CLEC16A: variants seen among roughly 807,000 people sequenced by gnomAD.
The protein encoded by CLEC16A is C-type lectin domain containing 16A, also known as protein CLEC16A.
CLEC16A carries 51 observed loss-of-function variants against 109.5 expected under a neutral mutation model. That is an observed-to-expected ratio of 0.47 (90% CI 0.37 to 0.59). The LOEUF is 0.59. Among genes scored for constraint, CLEC16A ranks in the 20% least tolerant of loss-of-function variants. The probability of loss-of-function intolerance (pLI) is 0.00; values close to 1 mark genes in which losing one functional copy is unlikely to be tolerated. For missense variants in CLEC16A, 1,339 were observed against 1,394.0 expected, an observed-to-expected ratio of 0.96 and a Z score of 0.63; for synonymous variants, 673 against 564.2, an observed-to-expected ratio of 1.19 and a Z score of -2.73.
In CLEC16A at chr16:10,972,469, C is replaced by T; in HGVS notation, c.599-85C>T. 3.9e-6 allele frequency: 5 copies of T among 1,283,966 alleles called. No individual in the cohort carries two copies. In the South Asian group the frequency reaches 4.9e-5, roughly 13 times the overall value. The allele number at this position is 1,283,966 out of a possible 1,614,324, so 79.5% of individuals were successfully genotyped here. A position where few individuals can be genotyped will look rare whatever the true frequency, so the allele number is the denominator to read the frequency against. ...AGTCTCTCTCCCTCTGAGCAGCTCT[C>T]TCACCTTCCCAGGTCCTAACCCTGT... On this transcript the variant is annotated intron_variant, in intron 5 of 23. Coordinates refer to ENST00000409790, the MANE Select transcript of CLEC16A (RefSeq NM_015226.3).
At chr16:11,033,836 T>G (rs887948656) in intron 13 of CLEC16A, among the ~76,000 whole-genome samples, 1 of 152,238 alleles carries the variant, frequency 6.6e-6, no homozygotes. Flanking sequence ...CTTGTTGTGA[T>G]TCAGTTGGGC....
At chr16:10,958,805 G>A (rs968688281) in intron 2 of CLEC16A, among the ~76,000 whole-genome samples, 3 of 152,180 alleles carry the variant, frequency 2.0e-5, no homozygotes, top group African/African-American at 7.2e-5. Context: ...TCAGAAGGTT[G>A]AGGTGGGAGG....
chr16:11,125,712 C>T (rs1246836715), intron 21 of CLEC16A, among the ~76,000 whole-genome samples: 2 of 152,206 alleles, frequency 1.3e-5, no homozygotes, highest in African/African-American at 2.4e-5. Flanking sequence ...CCATTCCACT[C>T]GAGGAGCCCA....
rs112315976 is a variant in CLEC16A at position 10,948,930 on chromosome 16, A to T, written c.80+4133A>T. Among the ~76,000 whole-genome samples the T allele has an allele frequency of 1.6e-3, 244 of 152,286 alleles. 3 individuals carry two copies. The highest frequency in any genetic ancestry group is 5.6e-3 in the African/African-American group (231 of 41,540). On this transcript the variant is annotated intron_variant, in intron 1 of 23. Coordinates refer to ENST00000409790, the MANE Select transcript of CLEC16A (RefSeq NM_015226.3). Reference sequence around the variant, plus strand: ...TTGCCAGCAGAAGTCCAGAATTGAGATTGAGTATCCCTGGACCAGCAAGGT... The same window carrying T: ...TTGCCAGCAGAAGTCCAGAATTGAGTTTGAGTATCCCTGGACCAGCAAGGT...
intron 19 of CLEC16A, among the ~76,000 whole-genome samples, chr16:11,099,569 G>A (rs2152981537): frequency 6.6e-6 from 1 of 152,390 alleles, no homozygotes; most frequent in East Asian, 1.9e-4. Context: ...CAGCAGCGCT[G>A]TCTAGCAGGT....
At chr16:11,020,012 G>T (rs901577024) in intron 11 of CLEC16A, among the ~76,000 whole-genome samples, 181 bp from the exon 12 acceptor site, 2 of 152,236 alleles carry the variant, frequency 1.3e-5, no homozygotes, top group Non-Finnish European at 2.9e-5. Flanking sequence ...GGAAAGAGAG[G>T]CTCTGGCCTC....
At chr16:11,035,774 C>G (rs953824755) in intron 13 of CLEC16A, among the ~76,000 whole-genome samples, 1 of 152,240 alleles carries the variant, frequency 6.6e-6, no homozygotes, top group African/African-American at 2.4e-5. Context: ...TCCAAAGACA[C>G]TCTGTCCTTC....
At chr16:11,092,357 AACAAACAC>A (rs2050353475) in intron 19 of CLEC16A, among the ~76,000 whole-genome samples, 1 of 66,616 alleles carries the variant, frequency 1.5e-5, no homozygotes, top group African/African-American at 5.7e-5. Flanking sequence ...AACAAACAAA[AACAAACAC>A]ACACACACAC....
intron 19 of CLEC16A, among the ~76,000 whole-genome samples, chr16:11,116,511 A>G (rs1453432420): frequency 1.3e-5 from 2 of 152,152 alleles, no homozygotes; most frequent in African/African-American, 4.8e-5. Context: ...ATAGAGGGAA[A>G]CACGAGGCCT....
chr16:11,103,911 C>G (rs906642624), intron 19 of CLEC16A, among the ~76,000 whole-genome samples: 1 of 152,222 alleles, frequency 6.6e-6, no homozygotes, highest in Non-Finnish European at 1.5e-5. Flanking sequence ...GGAGGAGAAT[C>G]TGGGTTGGAT....
rs1203391336 is a variant in CLEC16A, at chr16:11,144,327, G to A, written c.2641+18181G>A. ...CCTGTTGCCAGGGGTGACGAGGCCT[G>A]CTCAGCTCAGCATAGCCCTTGGGTC... On this transcript the variant is annotated intron_variant, in intron 22 of 23. Transcript: ENST00000409790. Among the ~76,000 whole-genome samples, 6 of 152,222 alleles carry A rather than the reference G, an allele frequency of 3.9e-5. 1 individual carries two copies. In the East Asian group the frequency reaches 1.2e-3, roughly 29 times the overall value.
chr16:11,060,779 T>G (rs1597245675), intron 18 of CLEC16A, 123 bp from the exon 19 acceptor site: 1 of 1,003,542 alleles, frequency 1.0e-6, no homozygotes, highest in African/African-American at 1.7e-5. Context: ...CCCGAAGAGG[T>G]GGGCTTTATT....
At chr16:11,055,143 G>A (rs1012019935) in intron 18 of CLEC16A, among the ~76,000 whole-genome samples, 3 of 152,180 alleles carry the variant, frequency 2.0e-5, no homozygotes, top group Non-Finnish European at 4.4e-5. Context: ...GAAGAAATGA[G>A]TGAGCACACA....
At chr16:11,115,169 C>T (rs1238802998) in intron 19 of CLEC16A, among the ~76,000 whole-genome samples, 1 of 152,148 alleles carries the variant, frequency 6.6e-6, no homozygotes, top group Non-Finnish European at 1.5e-5. Context: ...TCCGTTTTCC[C>T]AGATCAAACT....
At chr16:11,094,879 G>T (rs1244195035) in intron 19 of CLEC16A, among the ~76,000 whole-genome samples, 3 of 152,214 alleles carry the variant, frequency 2.0e-5, no homozygotes, top group African/African-American at 7.2e-5. Context: ...TAAAGGGGCT[G>T]TGGGCCTTTA....
At chr16:11,033,487 C>G (rs529491554) in intron 13 of CLEC16A, among the ~76,000 whole-genome samples, 1 of 152,262 alleles carries the variant, frequency 6.6e-6, no homozygotes, top group South Asian at 2.1e-4. Flanking sequence ...GAGCTGCCAC[C>G]TGGTTTATGC....
intron 3 of CLEC16A, among the ~76,000 whole-genome samples, chr16:10,967,330 A>G: frequency 6.6e-6 from 1 of 152,162 alleles, no homozygotes. Flanking sequence ...GGCTCCAAAT[A>G]ACTTAATGGT....
chr16:11,100,908 T>G (rs2050877086), intron 19 of CLEC16A, among the ~76,000 whole-genome samples: 1 of 152,210 alleles, frequency 6.6e-6, no homozygotes, highest in Non-Finnish European at 1.5e-5. Flanking sequence ...GTACAGTTTA[T>G]ACTCACAGAT....
chr16:10,955,337 G>C (rs1372414584), intron 1 of CLEC16A, among the ~76,000 whole-genome samples: 1 of 152,160 alleles, frequency 6.6e-6, no homozygotes, highest in Non-Finnish European at 1.5e-5. Flanking sequence ...GAGTGTATTG[G>C]GGTCAGCAAG....
Sources: gnomAD v4.1 joint callset for allele counts (sites outside exome capture counted in the v4.1 genomes callset) on GRCh38, gnomAD v4.1.1 for gene constraint, MANE v1.5 for transcripts, NCBI Gene and HGNC (gene_info 2026-07-23, HGNC 2026-07-21) for gene names.